The following ARID4B variants were observed in gnomAD, a reference collection of about 807,000 sequenced individuals.
ARID4B encodes the protein AT-rich interactive domain-containing protein 4B.
In ARID4B, 26 loss-of-function variants were observed where a neutral mutation model predicts 147.5. The observed-to-expected ratio is 0.18, with a 90% confidence interval of 0.13 to 0.24. The LOEUF is 0.24. Ranked by LOEUF, ARID4B falls within the 10% of genes least tolerant of loss-of-function variation. The probability of loss-of-function intolerance (pLI) is 1.00; values close to 1 mark genes in which losing one functional copy is unlikely to be tolerated. For synonymous variants in ARID4B, 512 were observed against 507.9 expected (o/e 1.01, Z -0.11); for missense variants, 1,179 against 1,511.5 (o/e 0.78, Z 3.65).
At chr1:235,201,242 A>G (rs1213036430) in intron 17 of ARID4B, among the ~76,000 whole-genome samples, 2 of 152,176 alleles carry the variant, frequency 1.3e-5, no homozygotes, top group Non-Finnish European at 2.9e-5. Context: ...AGGCCATAAA[A>G]TATTTCTCAA....
At chr1:235,242,046 G>A (rs1188063490) in intron 7 of ARID4B, among the ~76,000 whole-genome samples, 1 of 151,808 alleles carries the variant, frequency 6.6e-6, no homozygotes, top group Non-Finnish European at 1.5e-5. Context: ...TCAGGAGTTC[G>A]AGACCAGCCT....
intron 2 of ARID4B, among the ~76,000 whole-genome samples, chr1:235,292,351 C>T (rs972049916): frequency 6.6e-6 from 1 of 152,106 alleles, no homozygotes; most frequent in Non-Finnish European, 1.5e-5. Flanking sequence ...CAGTGGCTCA[C>T]GCCTGTAATC....
chr1:235,170,930 A>AAAAAAAAAAAAAAG (rs1558162128), intron 23 of ARID4B, among the ~76,000 whole-genome samples: 1 of 150,134 alleles, frequency 6.7e-6, no homozygotes, highest in Non-Finnish European at 1.5e-5. Flanking sequence ...AAAAAAAAAA[A>AAAAAAAAAAAAAAG]AAAACCACAC....
At chr1:235,245,772 GGATAT>G (rs1254089787) in intron 7 of ARID4B, among the ~76,000 whole-genome samples, 1 of 151,934 alleles carries the variant, frequency 6.6e-6, no homozygotes, top group African/African-American at 2.4e-5. Context: ...AACACTTAAA[GGATAT>G]GAATTCACTT....
At chr1:235,208,393 A>G (rs1666466209) in intron 17 of ARID4B, among the ~76,000 whole-genome samples, 1 of 152,176 alleles carries the variant, frequency 6.6e-6, no homozygotes, top group Non-Finnish European at 1.5e-5. Flanking sequence ...TTAAATAGAG[A>G]GCCTACTATT....
intron 3 of ARID4B, among the ~76,000 whole-genome samples, chr1:235,257,991 A>T (rs1263388289): frequency 6.6e-6 from 1 of 152,140 alleles, no homozygotes; most frequent in Non-Finnish European, 1.5e-5. Flanking sequence ...AATCTTCACA[A>T]CAACCCTATT....
At position 235,255,683 on chromosome 1, in the gene ARID4B, G is replaced by C. The variant is rs772468953; in HGVS notation, c.251C>G (p.Thr84Arg). The C allele has an allele frequency of 3.4e-5, 54 of 1,610,534 alleles. No individual in the cohort carries two copies. Among genetic ancestry groups the C allele is most frequent in the Non-Finnish European group, 4.0e-5 (47 of 1,178,228 alleles). ...AYQEAVINKLTDASWYTVVFD... is the reference protein window; with the variant it reads ...AYQEAVINKLRDASWYTVVFD... Reference sequence around the variant, plus strand: ...ACCTACAGTGTACCAACTCGCATCTGTTAGTTTATTGATAACAGCTTCCTG... The same window carrying C: ...ACCTACAGTGTACCAACTCGCATCTCTTAGTTTATTGATAACAGCTTCCTG... Residue 84 changes from threonine to arginine, a missense_variant, in exon 5 of 24, where the codon ACA (threonine) becomes AGA (arginine). Physicochemically the swap from Thr to Arg is moderately conservative, Grantham distance 71 (BLOSUM62 -1). Transcript: ENST00000264183.
intron 2 of ARID4B, among the ~76,000 whole-genome samples, chr1:235,312,456 C>T (rs1296631394): frequency 6.6e-6 from 1 of 152,278 alleles, no homozygotes. Flanking sequence ...AGTAAGACTT[C>T]TACTGTCCAC....
At chr1:235,201,606 G>A (rs1340056048) in intron 17 of ARID4B, among the ~76,000 whole-genome samples, 1 of 152,208 alleles carries the variant, frequency 6.6e-6, no homozygotes, top group East Asian at 1.9e-4. Context: ...TTATAGGTGT[G>A]AGCCACCGCA....
Position 235,224,731 on chromosome 1 carries a change from C to A in ARID4B, c.942G>T (p.Gln314His), listed in dbSNP as rs1215541582. 3.1e-6 allele frequency: 5 copies of A among 1,598,428 alleles called. No individual in the cohort carries two copies. Among genetic ancestry groups the A allele is most frequent in the Non-Finnish European group, 3.4e-6 (4 of 1,168,262 alleles). The change falls in exon 12 of 24, where the codon CAG becomes CAT. Residue 314 changes from glutamine (Q) to histidine (H), a missense_variant. Gln to His is a conservative substitution (Grantham distance 24, BLOSUM62 0). Coordinates refer to ENST00000264183, the MANE Select transcript of ARID4B (RefSeq NM_016374.6). ...PFPEERENFL[Q>H]QLYKFMEDRG... is the part of the protein sequence containing the mutation. ...TATCTTCCATAAATTTGTACAATTG[C>A]TGAAGAAAGTTCTCCCTTTCTTCTG...
rs1280832057 is a variant in ARID4B at position 235,220,472 on chromosome 1, C to T, written c.1237G>A (p.Val413Ile). ...EFQMALPEKV[V>I]NKQCKECENV... ...TCACACTCCTTACATTGCTTGTTAA[C>T]AACTTTCTCTGGCAATGCCATCTGA... Residue 413 changes from valine to isoleucine, a missense_variant, in exon 15 of 24, where the codon GTT becomes ATT. Physicochemically the swap from Val to Ile is conservative, Grantham distance 29. Transcript: ENST00000264183. 1 of 1,612,584 alleles carries T rather than the reference C, an allele frequency of 6.2e-7. No individual in the cohort carries two copies. Among genetic ancestry groups the T allele is most frequent in the Non-Finnish European group, 8.5e-7 (1 of 1,179,116 alleles).
At chr1:235,298,890 G>T (rs1264306936) in intron 2 of ARID4B, among the ~76,000 whole-genome samples, 1 of 149,868 alleles carries the variant, frequency 6.7e-6, no homozygotes, top group East Asian at 1.9e-4. Flanking sequence ...TCCATGCACA[G>T]AGGCATTTCA....
At chr1:235,247,111 G>T (rs915715591) in intron 6 of ARID4B, among the ~76,000 whole-genome samples, 2 of 151,194 alleles carry the variant, frequency 1.3e-5, no homozygotes, top group South Asian at 4.2e-4. Flanking sequence ...CCTTTCCTAC[G>T]TTTTCTTAAG....
At chr1:235,252,089 C>G (rs1669681509) in intron 6 of ARID4B, among the ~76,000 whole-genome samples, 1 of 152,162 alleles carries the variant, frequency 6.6e-6, no homozygotes, top group South Asian at 2.1e-4. Context: ...TCTATTCATC[C>G]AACTAACACT....
chr1:235,244,855 G>T (rs1483580968), intron 7 of ARID4B, among the ~76,000 whole-genome samples: 3 of 152,150 alleles, frequency 2.0e-5, no homozygotes, highest in Non-Finnish European at 4.4e-5. Context: ...CTTTGTTGCA[G>T]AAAATCACTT....
At chr1:235,257,687 G>C (rs1203167946) in intron 3 of ARID4B, among the ~76,000 whole-genome samples, 2 of 151,880 alleles carry the variant, frequency 1.3e-5, no homozygotes, top group Non-Finnish European at 2.9e-5. Context: ...CAACACATTG[G>C]CCAGGCTGGT....
chr1:235,193,076 A>G (rs1665230477), intron 19 of ARID4B, among the ~76,000 whole-genome samples: 1 of 146,826 alleles, frequency 6.8e-6, no homozygotes, highest in South Asian at 2.1e-4. Context: ...CCTGGGTGAC[A>G]GAGCGAGACT....
At chr1:235,311,103 T>C (rs1572216781) in intron 2 of ARID4B, among the ~76,000 whole-genome samples, 1 of 152,144 alleles carries the variant, frequency 6.6e-6, no homozygotes, top group South Asian at 2.1e-4. Flanking sequence ...AACAATGTCA[T>C]GCAATGATAT....
intron 8 of ARID4B, among the ~76,000 whole-genome samples, chr1:235,236,833 A>ATATATATATATGTGT (rs1668597409): frequency 6.0e-5 from 2 of 33,522 alleles, no homozygotes; most frequent in Non-Finnish European, 9.3e-5. Flanking sequence ...TTTTATAAAA[A>ATATATATATATGTGT]ATATATATAT....
Sources: allele counts gnomAD v4.1 joint callset (sites outside exome capture counted in the v4.1 genomes callset), GRCh38; gene constraint gnomAD v4.1.1; transcripts MANE v1.5; gene names NCBI Gene and HGNC (gene_info 2026-07-23, HGNC 2026-07-21).